CXADR: variants seen among roughly 807,000 people sequenced by gnomAD.
CXADR encodes coxsackievirus and adenovirus receptor.
A neutral mutation model predicts 40.3 loss-of-function variants in CXADR; 20 were observed. The ratio of observed to expected loss-of-function variants is 0.50; its 90% CI spans 0.35 to 0.72. The LOEUF is 0.72. CXADR is among the 30% of genes least tolerant of loss of function. CXADR has a pLI of 0.01. For missense variants in CXADR, 332 were observed against 449.1 expected (o/e 0.74, Z 2.36); for synonymous variants, 150 against 161.3 (o/e 0.93, Z 0.53).
chr21:17,605,446 T>A, the CXADR span, among the ~76,000 whole-genome samples: 1 of 152,344 alleles, frequency 6.6e-6, no homozygotes, highest in Middle Eastern at 3.4e-3. Flanking sequence ...TGCTTTTATA[T>A]CTCAGATAGT....
the CXADR span, among the ~76,000 whole-genome samples, chr21:17,610,854 GTC>G: frequency 2.0e-5 from 3 of 152,148 alleles, no homozygotes; most frequent in East Asian, 5.8e-4. Context: ...TGCTCTTTCA[GTC>G]TCTCTTCAGA....
chr21:17,520,610 A>G (rs2060518872), intron 1 of CXADR, among the ~76,000 whole-genome samples: 1 of 152,170 alleles, frequency 6.6e-6, no homozygotes, highest in South Asian at 2.1e-4. Context: ...ATTTTATTGA[A>G]TGGTAGCTAT....
the CXADR span, among the ~76,000 whole-genome samples, chr21:17,631,644 T>TAG: frequency 6.6e-6 from 1 of 152,308 alleles, no homozygotes; most frequent in East Asian, 1.9e-4. Flanking sequence ...TTCGTTCTCT[T>TAG]AGAGACCTGG....
At position 17,517,380 on chromosome 21, in the gene CXADR, A is replaced by G. The variant is rs372284116; in HGVS notation, c.43+4208A>G. On this transcript the variant is annotated intron_variant, in intron 1 of 6. Coordinates refer to ENST00000284878, the MANE Select transcript of CXADR (RefSeq NM_001338.5). ...GGAGGGTATAGTGAGCAGCTACAAT[A>G]GTAAGATCCAACCCAGAGGTAGGTT... Among the ~76,000 whole-genome samples the G allele has an allele frequency of 4.6e-5, 7 of 152,280 alleles. No individual in the cohort carries two copies. In the East Asian group the frequency reaches 5.8e-4, roughly 13 times the overall value.
chr21:17,603,754 A>C, the CXADR span, among the ~76,000 whole-genome samples: 1 of 152,114 alleles, frequency 6.6e-6, no homozygotes, highest in Admixed American at 6.5e-5. Flanking sequence ...CCACCTTGTC[A>C]CCTGGTCAAC....
In CXADR at chr21:17,588,343, A is replaced by T. The variant is rs1420194405; in HGVS notation, c.1018-4809A>T. Among the ~76,000 whole-genome samples, 4 of 152,208 alleles carry T rather than the reference A, an allele frequency of 2.6e-5. No individual in the cohort carries two copies. The East Asian group carries it at 7.7e-4, about 29-fold the overall frequency. On this transcript the variant is annotated intron_variant, in intron 7 of 7. Coordinates refer to the CXADR transcript ENST00000400169. ...CTTGGGCAGTATGGCCATTTTCACG[A>T]TATTGATTCTTCCTACCCATGAGCA...
chr21:17,524,200 G>C (rs997906231), intron 1 of CXADR, among the ~76,000 whole-genome samples: 2 of 151,870 alleles, frequency 1.3e-5, no homozygotes, highest in Admixed American at 6.6e-5. Context: ...GGCCTACATT[G>C]ATCTCTTCTG....
chr21:17,629,400 A>C, the CXADR span, among the ~76,000 whole-genome samples: 3 of 151,380 alleles, frequency 2.0e-5, no homozygotes, highest in African/African-American at 7.3e-5. Context: ...AAAAAAAAAA[A>C]AAAAAAATTA....
chr21:17,515,086 C>T (rs1244733591), intron 1 of CXADR, among the ~76,000 whole-genome samples: 2 of 151,816 alleles, frequency 1.3e-5, no homozygotes, highest in African/African-American at 2.4e-5. Context: ...AACATCTACT[C>T]GAAGGGCCAG....
the CXADR span, among the ~76,000 whole-genome samples, chr21:17,607,976 G>A: frequency 1.3e-5 from 2 of 152,214 alleles, no homozygotes; most frequent in East Asian, 1.9e-4. Context: ...ACAGCTCCAA[G>A]TGAGAATTAC....
In CXADR at chr21:17,540,142, G is replaced by A. The variant is rs1238471702; in HGVS notation, c.44-6885G>A. ...CTCACGTGGCAGAGAGAGTGCTCCG[G>A]TATTTCCTTCTCTTAAGCGGATGTC... On this transcript the variant is annotated intron_variant, in intron 1 of 6. Coordinates refer to ENST00000284878, the MANE Select transcript of CXADR (RefSeq NM_001338.5). Among the ~76,000 whole-genome samples, 5 of 152,060 alleles carry A rather than the reference G, an allele frequency of 3.3e-5. No individual in the cohort carries two copies. The East Asian group carries it at 9.6e-4, about 29-fold the overall frequency.
At position 17,540,186 on chromosome 21, in the gene CXADR, C is replaced by T. The variant is rs995950007; in HGVS notation, c.44-6841C>T. ...GGATGTCAGTTCCTTCTGTTCTGGG[C>T]TCTATGCTATGGCCTCATTTAATCT... is the stretch of plus-strand genomic sequence containing the variant. On this transcript the variant is annotated intron_variant, in intron 1 of 6. Coordinates refer to ENST00000284878, the MANE Select transcript of CXADR (RefSeq NM_001338.5). Among the ~76,000 whole-genome samples the T allele has an allele frequency of 2.6e-5, 4 of 152,026 alleles. No individual in the cohort carries two copies. The East Asian group carries it at 7.7e-4, about 29-fold the overall frequency.
chr21:17,554,159 G>A (rs546794228), intron 3 of CXADR, among the ~76,000 whole-genome samples: 5 of 152,164 alleles, frequency 3.3e-5, no homozygotes, highest in African/African-American at 4.8e-5. Context: ...GAAGAGTTGT[G>A]GACAAGCATG....
chr21:17,604,913 C>A, the CXADR span: 1 of 1,614,162 alleles, frequency 6.2e-7, no homozygotes, highest in Non-Finnish European at 8.5e-7. Context: ...TTGGCAAGCC[C>A]AGGTCACTAT....
chr21:17,630,528 C>T, the CXADR span, among the ~76,000 whole-genome samples: 2 of 152,060 alleles, frequency 1.3e-5, no homozygotes, highest in Admixed American at 1.3e-4. Context: ...TAAAATATCC[C>T]TGACTGTCTA....
downstream of CXADR, among the ~76,000 whole-genome samples, chr21:17,597,491 T>TA (rs1182464665): frequency 2.7e-5 from 4 of 150,884 alleles, no homozygotes; most frequent in African/African-American, 4.9e-5. Flanking sequence ...GGAAGGATAC[T>TA]AAAAAAAAGA....
In CXADR at chr21:17,543,244, A is replaced by G. The variant is rs999245823; in HGVS notation, c.44-3783A>G. On this transcript the variant is annotated intron_variant, in intron 1 of 6. Transcript: ENST00000284878. ...TTAACAATTTGACATATATCTTTTCAGATTATTTTGTTACACATATATGAC... is the reference window on the plus strand; with the variant it reads ...TTAACAATTTGACATATATCTTTTCGGATTATTTTGTTACACATATATGAC... Among the ~76,000 whole-genome samples the G allele has an allele frequency of 5.6e-4, 85 of 152,346 alleles. 1 individual carries two copies. Among genetic ancestry groups the G allele is most frequent in the Middle Eastern group, 3.4e-3 (1 of 292 alleles).
downstream of CXADR, among the ~76,000 whole-genome samples, chr21:17,595,015 AAGAT>A (rs1175436220): frequency 2.0e-5 from 3 of 151,976 alleles, no homozygotes; most frequent in Non-Finnish European, 4.4e-5. Context: ...AAAAAAAAAA[AAGAT>A]AAACACAAAA....
chr21:17,555,779 C>T (rs912553528), intron 3 of CXADR, among the ~76,000 whole-genome samples: 4 of 152,102 alleles, frequency 2.6e-5, no homozygotes, highest in Non-Finnish European at 4.4e-5. Flanking sequence ...GGAGCTACTT[C>T]GAGACTATGC....
Sources: allele counts gnomAD v4.1 joint callset (sites outside exome capture counted in the v4.1 genomes callset), GRCh38; gene constraint gnomAD v4.1.1; transcripts MANE v1.5; gene names NCBI Gene and HGNC (gene_info 2026-07-23, HGNC 2026-07-21).